The following MIR2052HG variants were observed in gnomAD, a reference collection of about 807,000 sequenced individuals.
The protein encoded by MIR2052HG is MIR2052 host gene.
chr8:74,689,452 A>G (rs998852419), intron 2 of MIR2052HG, among the ~76,000 whole-genome samples: 7 of 152,202 alleles, frequency 4.6e-5, no homozygotes, highest in South Asian at 4.1e-4. Context: ...TTGGTTACCA[A>G]TAAATGTTTT....
At chr8:74,670,718 T>C (rs1281485418) in intron 2 of MIR2052HG, among the ~76,000 whole-genome samples, 1 of 152,124 alleles carries the variant, frequency 6.6e-6, no homozygotes, top group Non-Finnish European at 1.5e-5. Flanking sequence ...TTATCAGACA[T>C]TGATAAAACA....
chr8:74,700,349 T>C (rs1017029119), intron 2 of MIR2052HG, among the ~76,000 whole-genome samples: 2 of 152,206 alleles, frequency 1.3e-5, no homozygotes, highest in African/African-American at 2.4e-5. Flanking sequence ...GGAAATCATC[T>C]ACGATGTGTG....
chr8:74,660,081 A>G (rs1808845267), intron 2 of MIR2052HG, among the ~76,000 whole-genome samples: 1 of 152,208 alleles, frequency 6.6e-6, no homozygotes, highest in Non-Finnish European at 1.5e-5. Flanking sequence ...CATCTGCACA[A>G]CAGAGCATCA....
chr8:74,701,479 C>T (rs1809357492), intron 2 of MIR2052HG, among the ~76,000 whole-genome samples: 1 of 151,950 alleles, frequency 6.6e-6, no homozygotes, highest in Non-Finnish European at 1.5e-5. Flanking sequence ...GGACATATGA[C>T]CTATGCTCAG....
chr8:74,709,941 T>G (rs1809449454), intron 4 of MIR2052HG, among the ~76,000 whole-genome samples: 2 of 152,222 alleles, frequency 1.3e-5, no homozygotes, highest in Admixed American at 1.3e-4. Flanking sequence ...TAAATAATGA[T>G]AATTTTTAAA....
chr8:74,636,487 T>C (rs746796331), intron 2 of MIR2052HG, among the ~76,000 whole-genome samples: 1 of 152,126 alleles, frequency 6.6e-6, no homozygotes, highest in Non-Finnish European at 1.5e-5. Flanking sequence ...TTGAATGCAG[T>C]GTAATAGCTC....
intron 1 of MIR2052HG, chr8:74,603,543 CA>C: frequency 6.6e-7 from 1 of 1,511,908 alleles, no homozygotes; most frequent in Admixed American, 1.7e-5. Flanking sequence ...CAGATGTATC[CA>C]AACCTGCACT....
At chr8:74,607,030 A>T (rs955965457) in intron 1 of MIR2052HG, among the ~76,000 whole-genome samples, 1 of 152,118 alleles carries the variant, frequency 6.6e-6, no homozygotes, top group Non-Finnish European at 1.5e-5. Context: ...AGGCAAAAAA[A>T]TTGAAAGATT....
At chr8:74,617,080 A>G (rs1400202858) in intron 2 of MIR2052HG, among the ~76,000 whole-genome samples, 1 of 152,204 alleles carries the variant, frequency 6.6e-6, no homozygotes, top group Admixed American at 6.5e-5. Context: ...TCCTTTAGAT[A>G]CAACTCTTTA....
chr8:74,619,207 T>A (rs1476750169), intron 2 of MIR2052HG, among the ~76,000 whole-genome samples: 2 of 152,074 alleles, frequency 1.3e-5, no homozygotes, highest in South Asian at 2.1e-4. Flanking sequence ...CAAAGCAATA[T>A]ACAAATAAAA....
chr8:74,632,663 T>C (rs2128734379), intron 2 of MIR2052HG, among the ~76,000 whole-genome samples: 1 of 152,348 alleles, frequency 6.6e-6, no homozygotes, highest in South Asian at 2.1e-4. Flanking sequence ...ATGACTTTAA[T>C]GTTATCCTTC....
intron 2 of MIR2052HG, among the ~76,000 whole-genome samples, chr8:74,647,079 C>T (rs1289196481): frequency 6.6e-6 from 1 of 152,136 alleles, no homozygotes; most frequent in Non-Finnish European, 1.5e-5. Context: ...AAAAGTTCAC[C>T]TAACCTTATT....
chr8:74,672,475 C>T (rs1021364554), intron 2 of MIR2052HG, among the ~76,000 whole-genome samples: 1 of 152,018 alleles, frequency 6.6e-6, no homozygotes, highest in Non-Finnish European at 1.5e-5. Flanking sequence ...GTGAAATGGA[C>T]TACCAGTCAT....
intron 2 of MIR2052HG, among the ~76,000 whole-genome samples, chr8:74,654,159 T>C (rs1808779927): frequency 6.6e-6 from 1 of 152,078 alleles, no homozygotes; most frequent in East Asian, 1.9e-4. Context: ...GATATGCTTT[T>C]TTCTTCATTT....
At position 74,678,857 on chromosome 8, in the gene MIR2052HG, T is replaced by A. The variant is rs528355924; in HGVS notation, n.217-23522T>A. Among the ~76,000 whole-genome samples, 2 of 152,086 alleles carry A rather than the reference T, an allele frequency of 1.3e-5. 1 individual carries two copies. Among genetic ancestry groups the A allele is most frequent in the South Asian group, 4.1e-4 (2 of 4,830 alleles). On this transcript the variant is annotated intron_variant and non_coding_transcript_variant, in intron 2 of 6. Coordinates refer to ENST00000523442, the Ensembl canonical transcript of MIR2052HG. ...TCATTTATGTATTAAAAACATATAA[T>A]TCATAGTGAACAAGTTAGGTTTATC...
At chr8:74,754,667 G>A (rs899869708) in intron 5 of MIR2052HG, among the ~76,000 whole-genome samples, 7 of 152,300 alleles carry the variant, frequency 4.6e-5, no homozygotes, top group Admixed American at 1.3e-4. Context: ...TGATGAAGGC[G>A]AGAAAGAGAA....
chr8:74,634,741 A>G (rs573246135), intron 2 of MIR2052HG, among the ~76,000 whole-genome samples: 237 of 152,292 alleles, frequency 1.6e-3, no homozygotes, highest in Non-Finnish European at 2.4e-3. Context: ...AGACCACTGT[A>G]TACAATCAGG....
intron 2 of MIR2052HG, among the ~76,000 whole-genome samples, chr8:74,668,057 T>C: frequency 6.6e-6 from 1 of 151,476 alleles, no homozygotes; most frequent in South Asian, 2.1e-4. Flanking sequence ...ACCCTCCCTC[T>C]GCAGGAGTCG....
At chr8:74,702,160 C>T (rs527479417) in intron 2 of MIR2052HG, among the ~76,000 whole-genome samples, 21 of 152,182 alleles carry the variant, frequency 1.4e-4, no homozygotes, top group African/African-American at 5.1e-4. Flanking sequence ...AATTTATTTT[C>T]TGCTGCAGCT....
Sources: allele counts gnomAD v4.1 joint callset (sites outside exome capture counted in the v4.1 genomes callset), GRCh38; gene constraint gnomAD v4.1.1; transcripts MANE v1.5; gene names NCBI Gene and HGNC (gene_info 2026-07-23, HGNC 2026-07-21).